The following RALY variants were observed in gnomAD, a reference collection of about 807,000 sequenced individuals.
RALY encodes the protein RNA-binding protein Raly.
A neutral mutation model predicts 30.7 loss-of-function variants in RALY; 15 were observed. The ratio of observed to expected loss-of-function variants is 0.49; its 90% confidence interval spans 0.33 to 0.75. RALY has a LOEUF of 0.75. Ranked by LOEUF, RALY falls within the 30% of genes least tolerant of loss-of-function variation. The probability of loss-of-function intolerance (pLI) is 0.02; values close to 1 mark genes in which losing one functional copy is unlikely to be tolerated. For missense variants in RALY, 339 were observed against 414.3 expected (o/e 0.82, Z 1.58); for synonymous variants, 177 against 170.8 (o/e 1.04, Z -0.28).
intron 1 of RALY, among the ~76,000 whole-genome samples, chr20:34,002,027 A>T (rs1480671992): frequency 1.3e-5 from 2 of 152,164 alleles, no homozygotes; most frequent in East Asian, 3.9e-4. Context: ...TCGGCCTCTC[A>T]AAGTGCTGGG....
At chr20:34,065,459 T>C (rs1315933687) in intron 2 of RALY, among the ~76,000 whole-genome samples, 1 of 152,220 alleles carries the variant, frequency 6.6e-6, no homozygotes, top group African/African-American at 2.4e-5. Context: ...GAGCTTTTGC[T>C]GTTTGACATG....
chr20:34,037,832 G>A (rs991906682), intron 2 of RALY, among the ~76,000 whole-genome samples: 9 of 152,210 alleles, frequency 5.9e-5, no homozygotes, highest in African/African-American at 2.2e-4. Flanking sequence ...TTTGACCAGA[G>A]TGGACCTGAT....
intron 1 of RALY, among the ~76,000 whole-genome samples, chr20:34,018,784 CAA>C (rs1380064468): frequency 6.6e-6 from 1 of 152,208 alleles, no homozygotes. Context: ...CCCCTAATCT[CAA>C]TAGAGGTTCC....
intron 2 of RALY, among the ~76,000 whole-genome samples, chr20:34,037,801 T>G (rs1223816434): frequency 6.6e-6 from 1 of 152,218 alleles, no homozygotes; most frequent in Non-Finnish European, 1.5e-5. Flanking sequence ...ATCATTGTCC[T>G]TCAGGGTATG....
chr20:34,078,904 A>G (rs2033968905), intron 9 of RALY, among the ~76,000 whole-genome samples: 1 of 152,206 alleles, frequency 6.6e-6, no homozygotes, highest in Admixed American at 6.5e-5. Context: ...GGATAACAAT[A>G]GAGCGAGGCC....
chr20:34,006,935 T>G (rs1217020320), intron 1 of RALY, among the ~76,000 whole-genome samples: 1 of 152,204 alleles, frequency 6.6e-6, no homozygotes, highest in African/African-American at 2.4e-5. Context: ...AAGCTGGATG[T>G]TTTTTTCTAT....
rs2034066830 is a variant in RALY at position 34,083,945 on chromosome 20, C to CATA, written c.*4042_*4044dup. 6.6e-6 allele frequency: 1 copy of CATA among 152,210 alleles called. No homozygotes were observed. The highest frequency in any genetic ancestry group is 1.5e-5 in the Non-Finnish European group (1 of 68,048). The allele number at this position is 152,210 out of a possible 1,614,324, so 9.4% of individuals were successfully genotyped here. A position where few individuals can be genotyped will look rare whatever the true frequency, so the allele number is the denominator to read the frequency against. On this transcript the variant is annotated 3_prime_UTR_variant, in exon 10 of 10. Coordinates refer to ENST00000246194, the MANE Select transcript of RALY (RefSeq NM_016732.3). ...CAGATTCTTCATAATAAACTTCCTC[C>CATA]ATAACAGTAAACCATTTCCTGAACA... is the stretch of plus-strand genomic sequence containing the variant.
chr20:34,039,431 A>G (rs2032615662), intron 2 of RALY, among the ~76,000 whole-genome samples: 1 of 152,170 alleles, frequency 6.6e-6, no homozygotes, highest in Non-Finnish European at 1.5e-5. Flanking sequence ...TGCATCCTCC[A>G]TATCCCCATC....
At chr20:34,008,590 T>A (rs1601406218) in intron 1 of RALY, among the ~76,000 whole-genome samples, 2 of 152,326 alleles carry the variant, frequency 1.3e-5, no homozygotes, top group East Asian at 3.9e-4. Context: ...AGATCAGAGG[T>A]CACATACTGG....
intron 2 of RALY, among the ~76,000 whole-genome samples, chr20:34,038,401 A>G (rs1774396926): frequency 6.6e-6 from 1 of 152,164 alleles, no homozygotes; most frequent in South Asian, 2.1e-4. Context: ...CCTTGAGATG[A>G]GTGAGAGATG....
intron 1 of RALY, among the ~76,000 whole-genome samples, chr20:34,002,071 C>T (rs2030945599): frequency 6.6e-6 from 1 of 152,226 alleles, no homozygotes; most frequent in South Asian, 2.1e-4. Context: ...CTGACCACGT[C>T]GTTTCCTTTT....
intron 1 of RALY, among the ~76,000 whole-genome samples, chr20:34,016,990 G>T (rs1019655519): frequency 1.3e-5 from 2 of 152,250 alleles, no homozygotes; most frequent in African/African-American, 4.8e-5. Context: ...AAATGGATCT[G>T]GTTACACTTG....
At position 34,077,468 on chromosome 20, in the gene RALY, C is replaced by T. The variant is rs1242429042; in HGVS notation, c.876+223C>T. ...CCACTGAGGCCTAGGGCAGACCTCC[C>T]CCAAATGCGGGCACATTCTGGCCTC... On this transcript the variant is annotated intron_variant, in intron 8 of 9. Transcript: ENST00000246194. 6.2e-6 allele frequency: 6 copies of T among 965,742 alleles called. No individual in the cohort carries two copies. The African/African-American group carries it at 8.3e-5, about 13-fold the overall frequency. 59.8% of individuals were successfully genotyped at this position (965,742 alleles called of 1,614,324 possible). A position where few individuals can be genotyped will look rare whatever the true frequency, so the allele number is the denominator to read the frequency against.
At chr20:34,066,410 C>T (rs538409877) in intron 2 of RALY, among the ~76,000 whole-genome samples, 2 of 152,178 alleles carry the variant, frequency 1.3e-5, no homozygotes, top group East Asian at 1.9e-4. Flanking sequence ...ACCCGGGAAG[C>T]GGAGGTTGCA....
chr20:34,077,068 CGGCGGT>C lies in RALY; in HGVS notation c.702_707del (p.Gly237_Gly238del), dbSNP rs765284612. On this transcript the variant is annotated inframe_deletion, in exon 8 of 10. Coordinates refer to ENST00000246194, the MANE Select transcript of RALY (RefSeq NM_016732.3). ...GTGATGGAGGTGGCGCCGGCGGCGG[CGGCGGT>C]GGTGGTGGCAGCGGTGGCGGTGGCA... 1.7e-5 allele frequency: 27 copies of C among 1,604,802 alleles called. No homozygotes were observed. The East Asian group carries it at 5.4e-4, about 32-fold the overall frequency.
At chr20:34,067,813 TTTC>T (rs1233963091) in intron 2 of RALY, among the ~76,000 whole-genome samples, 3 of 90,346 alleles carry the variant, frequency 3.3e-5, no homozygotes, top group African/African-American at 1.4e-4. Context: ...TTTTTTCTTT[TTTC>T]TTTTTTTTTT....
intron 2 of RALY, among the ~76,000 whole-genome samples, chr20:34,036,274 T>A (rs1299963430): frequency 6.6e-6 from 1 of 152,240 alleles, no homozygotes; most frequent in Non-Finnish European, 1.5e-5. Context: ...TCTTTCAGGC[T>A]AAGGAAGTTC....
rs1280052146 is a variant in RALY, at chr20:34,081,474, C to G, written c.*1569C>G. ...CCCCCAACACAGAAAAATTCAATCC[C>G]ATCATCAAAAAGGGCTTTAGGTTTT... is the stretch of plus-strand genomic sequence containing the variant. On this transcript the variant is annotated 3_prime_UTR_variant, in exon 10 of 10. Transcript: ENST00000246194. 1 of 152,222 alleles carries G rather than the reference C, an allele frequency of 6.6e-6. No individual in the cohort carries two copies. Among genetic ancestry groups the G allele is most frequent in the Non-Finnish European group, 1.5e-5 (1 of 68,060 alleles). 9.4% of individuals were successfully genotyped at this position (152,222 alleles called of 1,614,324 possible).
intron 1 of RALY, among the ~76,000 whole-genome samples, chr20:34,027,642 C>G (rs939576230): frequency 6.6e-6 from 1 of 152,238 alleles, no homozygotes; most frequent in Non-Finnish European, 1.5e-5. Flanking sequence ...AAGGACTGTT[C>G]TCAATCATCT....
Sources: allele counts gnomAD v4.1 joint callset (sites outside exome capture counted in the v4.1 genomes callset), GRCh38; gene constraint gnomAD v4.1.1; transcripts MANE v1.5; gene names NCBI Gene and HGNC (gene_info 2026-07-23, HGNC 2026-07-21).